CALB2: variants seen among roughly 807,000 people sequenced by gnomAD.
The protein encoded by CALB2 is calbindin 2.
CALB2 carries 34 observed loss-of-function variants against 45.9 expected under a neutral mutation model. The observed-to-expected ratio is 0.74, with a 90% CI of 0.56 to 0.99. The LOEUF is 0.99. CALB2 is among the 50% of genes least tolerant of loss of function. The probability of loss-of-function intolerance (pLI) is 0.00; values close to 1 mark genes in which losing one functional copy is unlikely to be tolerated. For missense variants in CALB2, 344 were observed against 339.3 expected, an observed-to-expected ratio of 1.01 and a Z score of -0.11; for synonymous variants, 142 against 129.6, an observed-to-expected ratio of 1.10 and a Z score of -0.65.
chr16:71,371,635 G>A (rs116572080), intron 1 of CALB2, among the ~76,000 whole-genome samples: 48 of 152,200 alleles, frequency 3.2e-4, no homozygotes, highest in African/African-American at 1.1e-3. Flanking sequence ...TCTCCATGAA[G>A]CCTTCTTACA....
intron 3 of CALB2, among the ~76,000 whole-genome samples, chr16:71,375,866 G>A (rs919576797): frequency 6.6e-6 from 1 of 152,228 alleles, no homozygotes; most frequent in Non-Finnish European, 1.5e-5. Context: ...TCAGTCAGTG[G>A]ATGCAGGCTG....
intron 1 of CALB2, among the ~76,000 whole-genome samples, chr16:71,369,113 C>G (rs1262777785): frequency 4.6e-5 from 7 of 152,138 alleles, no homozygotes; most frequent in African/African-American, 1.7e-4. Context: ...GAAAGCAGCC[C>G]AGGGCCAAGG....
intron 10 of CALB2, among the ~76,000 whole-genome samples, chr16:71,388,279 AGCTGTGATCAC>A (rs1217472549): frequency 6.7e-6 from 1 of 148,602 alleles, no homozygotes; most frequent in Admixed American, 6.9e-5. Flanking sequence ...GGGTGCAGTG[AGCTGTGATCAC>A]GCCATTGCAT....
intron 4 of CALB2, among the ~76,000 whole-genome samples, chr16:71,380,333 G>A (rs2042476205): frequency 1.3e-5 from 1 of 75,158 alleles, no homozygotes; most frequent in Non-Finnish European, 2.5e-5. Flanking sequence ...TTTTTGAGAC[G>A]GAGTTTCGCT....
At chr16:71,364,581 A>G (rs1265152123) in intron 1 of CALB2, among the ~76,000 whole-genome samples, 1 of 151,958 alleles carries the variant, frequency 6.6e-6, no homozygotes, top group African/African-American at 2.4e-5. Context: ...TTGGCTCTTC[A>G]CTATCTCCCC....
chr16:71,361,588 A>G (rs1339775387), intron 1 of CALB2, among the ~76,000 whole-genome samples: 2 of 152,116 alleles, frequency 1.3e-5, no homozygotes, highest in Non-Finnish European at 2.9e-5. Flanking sequence ...AGCCCAATTA[A>G]CCACAGCCCC....
intron 3 of CALB2, among the ~76,000 whole-genome samples, chr16:71,376,863 A>G (rs1308918895): frequency 6.6e-6 from 1 of 152,228 alleles, no homozygotes; most frequent in Non-Finnish European, 1.5e-5. Context: ...ATACATCCAT[A>G]TACAACCACT....
chr16:71,383,456 G>A lies in CALB2; in HGVS notation c.477+12G>A, dbSNP rs756082928. The stretch of plus-strand genomic sequence containing the variant: ...ACACCCAAACCATAGTGAGTGAACA[G>A]AAGTGTCCCTCTCCCCCAGGGTGCA... On this transcript the variant is annotated intron_variant, in intron 6 of 10. Coordinates refer to ENST00000302628, the MANE Select transcript of CALB2 (RefSeq NM_001740.5). 1.2e-6 allele frequency: 2 copies of A among 1,613,260 alleles called. No homozygotes were observed. Among genetic ancestry groups the A allele is most frequent in the South Asian group, 2.2e-5 (2 of 91,022 alleles).
intron 8 of CALB2, 56 bp downstream of exon 8, chr16:71,384,434 G>A (rs2144999811): frequency 1.4e-6 from 2 of 1,414,346 alleles, no homozygotes; most frequent in Non-Finnish European, 9.8e-7. Context: ...GCCTGGCCCT[G>A]CACCCTCCTT....
chr16:71,366,276 C>T (rs2042286744), intron 1 of CALB2, among the ~76,000 whole-genome samples: 1 of 148,726 alleles, frequency 6.7e-6, no homozygotes, highest in Non-Finnish European at 1.5e-5. Flanking sequence ...CCACCCACCT[C>T]AGCCTCCCAA....
At chr16:71,384,910 C>A in intron 9 of CALB2, 74 bp downstream of exon 9, 1 of 1,301,624 alleles carries the variant, frequency 7.7e-7, no homozygotes, top group Non-Finnish European at 1.1e-6. Flanking sequence ...AGCTTCATCC[C>A]TGGGAAGAGA....
chr16:71,372,226 C>T lies in CALB2; in HGVS notation c.168C>T (p.Gly56=), dbSNP rs1472037264. Reference sequence around the variant, plus strand: ...TGGAGAAGGCAAGGAAAGGCTCTGGCATGGTAAGCCCAGCCCTGTCTCCGA... The same window carrying T: ...TGGAGAAGGCAAGGAAAGGCTCTGGTATGGTAAGCCCAGCCCTGTCTCCGA... ...QELEKARKGS[G]MMSKSDNFGE... The change falls in exon 2 of 11, where the codon GGC becomes GGT. Residue 56 remains glycine, a synonymous_variant. Transcript: ENST00000302628. 3 of 1,611,450 alleles carry T rather than the reference C, an allele frequency of 1.9e-6. No homozygotes were observed. The highest frequency in any genetic ancestry group is 1.7e-5 in the Admixed American group (1 of 59,898).
intron 1 of CALB2, among the ~76,000 whole-genome samples, chr16:71,363,316 T>C (rs935702005): frequency 6.6e-6 from 1 of 152,226 alleles, no homozygotes; most frequent in South Asian, 2.1e-4. Flanking sequence ...TGGGCTTCTG[T>C]CCACCTCCAA....
chr16:71,372,743 C>A (rs192420797), intron 2 of CALB2, among the ~76,000 whole-genome samples: 1 of 152,320 alleles, frequency 6.6e-6, no homozygotes, highest in East Asian at 1.9e-4. Context: ...CACTATCATC[C>A]TCCTTCAAGC....
intron 10 of CALB2, among the ~76,000 whole-genome samples, chr16:71,387,566 G>A (rs907807696): frequency 6.6e-6 from 1 of 151,984 alleles, no homozygotes; most frequent in Non-Finnish European, 1.5e-5. Context: ...GAGGCTCCTC[G>A]AGGGGACAGG....
chr16:71,385,598 G>T lies in CALB2; in HGVS notation c.649G>T (p.Glu217Ter). Residue 217 changes from glutamate (E) to a stop codon, truncating the protein, a stop_gained, in exon 10 of 11, where the codon GAG (glutamate) becomes TAG (stop). Coordinates refer to ENST00000302628, the MANE Select transcript of CALB2 (RefSeq NM_001740.5). LOFTEE classifies it high-confidence loss of function. ...CCAGGATAGAAGCGGCTACATTGAC[G>T]AGCATGAGCTGGATGCCCTTTTGAA... The part of the protein sequence containing the change: ...YDKDRSGYID[E>*]HELDALLKDL... The T allele has an allele frequency of 1.2e-6, 2 of 1,614,050 alleles. No individual in the cohort carries two copies. Among genetic ancestry groups the T allele is most frequent in the Non-Finnish European group, 1.7e-6 (2 of 1,179,994 alleles).
At chr16:71,374,948 C>G in intron 3 of CALB2, 114 bp downstream of exon 3, 1 of 669,510 alleles carries the variant, frequency 1.5e-6, no homozygotes, top group Non-Finnish European at 2.7e-6. Context: ...CCTCAAAGCT[C>G]CTGCACCCCC....
intron 9 of CALB2, chr16:71,385,232 G>T: frequency 2.9e-6 from 1 of 340,186 alleles, no homozygotes. Flanking sequence ...GCTGTCCCCT[G>T]CCCACATGAC....
chr16:71,386,149 T>A (rs2042568411), intron 10 of CALB2, among the ~76,000 whole-genome samples: 1 of 152,232 alleles, frequency 6.6e-6, no homozygotes, highest in African/African-American at 2.4e-5. Context: ...TGCAAGCTTA[T>A]CCATGTTGTG....
Sources: gnomAD v4.1 joint callset for allele counts (sites outside exome capture counted in the v4.1 genomes callset) on GRCh38, gnomAD v4.1.1 for gene constraint, MANE v1.5 for transcripts, NCBI Gene and HGNC (gene_info 2026-07-23, HGNC 2026-07-21) for gene names.